QTGAL: variants seen among roughly 807,000 people sequenced by gnomAD.
QTGAL encodes BGnT-like protein 1.
chr17:83,048,373 A>T, the QTGAL span: 1 of 1,095,244 alleles, frequency 9.1e-7, no homozygotes, highest in African/African-American at 1.6e-5. Context: ...CCACCAGGAT[A>T]CTTTTTGTCA....
chr17:82,953,241 C>T, the QTGAL span, among the ~76,000 whole-genome samples: 1 of 151,978 alleles, frequency 6.6e-6, no homozygotes, highest in African/African-American at 2.4e-5. Context: ...AAATCAATGA[C>T]TGGTTTTTTG....
the QTGAL span, among the ~76,000 whole-genome samples, chr17:83,018,038 C>T: frequency 4.2e-5 from 6 of 142,620 alleles, no homozygotes; most frequent in South Asian, 7.0e-4. Context: ...ACACGTGCTC[C>T]GTGAACACCG....
the QTGAL span, among the ~76,000 whole-genome samples, chr17:83,044,750 C>G: frequency 6.6e-6 from 1 of 152,146 alleles, no homozygotes; most frequent in East Asian, 1.9e-4. Context: ...TTGAGACCAG[C>G]CTGGCCAACA....
At chr17:83,013,144 A>G in the QTGAL span, among the ~76,000 whole-genome samples, 1 of 152,148 alleles carries the variant, frequency 6.6e-6, no homozygotes, top group Non-Finnish European at 1.5e-5. Flanking sequence ...TACAAGCCAC[A>G]GAGCTCTCTC....
the QTGAL span, among the ~76,000 whole-genome samples, chr17:82,970,996 C>T: frequency 2.6e-5 from 4 of 152,200 alleles, no homozygotes; most frequent in East Asian, 1.9e-4. Flanking sequence ...CAGCCGGGTC[C>T]GTTCCACAGG....
the QTGAL span, among the ~76,000 whole-genome samples, chr17:82,961,518 C>T: frequency 5.3e-5 from 8 of 152,182 alleles, no homozygotes; most frequent in Non-Finnish European, 7.4e-5. Flanking sequence ...CTCACAGCCA[C>T]GGCTCCTGGA....
At chr17:83,031,636 G>C in the QTGAL span, among the ~76,000 whole-genome samples, 3 of 152,216 alleles carry the variant, frequency 2.0e-5, no homozygotes, top group Non-Finnish European at 4.4e-5. Context: ...TAATAGGCTC[G>C]AGGACAAGCC....
the QTGAL span, among the ~76,000 whole-genome samples, chr17:83,000,797 C>A: frequency 6.6e-6 from 1 of 152,218 alleles, no homozygotes; most frequent in Non-Finnish European, 1.5e-5. Context: ...AGGGTCACCA[C>A]TGCTGTGAGC....
the QTGAL span, among the ~76,000 whole-genome samples, chr17:83,011,845 C>T: frequency 6.6e-6 from 1 of 152,230 alleles, no homozygotes; most frequent in South Asian, 2.1e-4. Flanking sequence ...TGTGCATTTT[C>T]CCCACATTCC....
chr17:82,957,162 AC>A, the QTGAL span: 2 of 1,614,102 alleles, frequency 1.2e-6, no homozygotes, highest in Non-Finnish European at 1.7e-6. Context: ...CAAGGGTGAC[AC>A]CATGCGGCCC....
chr17:83,046,956 G>A, the QTGAL span, among the ~76,000 whole-genome samples: 2 of 152,214 alleles, frequency 1.3e-5, no homozygotes, highest in Non-Finnish European at 2.9e-5. Context: ...GCTAAATGAA[G>A]CCGGTTACAA....
the QTGAL span, among the ~76,000 whole-genome samples, chr17:83,004,554 C>G: frequency 1.3e-5 from 1 of 75,856 alleles, no homozygotes; most frequent in Admixed American, 1.3e-4. Context: ...CTCTGCAGTC[C>G]GCGTGTGGGA....
chr17:82,977,427 G>A, the QTGAL span, among the ~76,000 whole-genome samples: 1 of 152,172 alleles, frequency 6.6e-6, no homozygotes, highest in African/African-American at 2.4e-5. Flanking sequence ...TCAGTGTTGG[G>A]AGGGGGGTGA....
At chr17:82,999,947 T>G in the QTGAL span, among the ~76,000 whole-genome samples, 4 of 152,200 alleles carry the variant, frequency 2.6e-5, no homozygotes, top group Non-Finnish European at 4.4e-5. Flanking sequence ...ACTGGTTTTT[T>G]TTGTTGTTGT....
the QTGAL span, chr17:83,007,169 G>T: frequency 1.0e-6 from 1 of 957,420 alleles, no homozygotes; most frequent in Non-Finnish European, 1.2e-6. Context: ...CCATGGCTGT[G>T]TAATTCTTTT....
At chr17:83,046,975 G>A in the QTGAL span, among the ~76,000 whole-genome samples, 4 of 152,366 alleles carry the variant, frequency 2.6e-5, no homozygotes, top group East Asian at 1.9e-4. Context: ...AAAAGAGCAC[G>A]TGGAACCTGA....
the QTGAL span, among the ~76,000 whole-genome samples, chr17:82,990,446 C>T: frequency 7.2e-5 from 11 of 152,356 alleles, no homozygotes; most frequent in Admixed American, 4.6e-4. Context: ...CATTTTTAAA[C>T]GGAAGTTTCT....
At chr17:83,033,600 T>C in the QTGAL span, among the ~76,000 whole-genome samples, 7,304 of 150,900 alleles carry the variant, frequency 0.048, 600 homozygotes, top group African/African-American at 0.17. Flanking sequence ...GCCTCCCGAG[T>C]AGCTGGGACT....
the QTGAL span, chr17:82,965,581 GCAGAGC>G: frequency 2.8e-6 from 4 of 1,426,548 alleles, no homozygotes; most frequent in African/African-American, 5.7e-5. Context: ...TGGCCAGTGT[GCAGAGC>G]CCACACACAG....
Sources: gnomAD v4.1 joint callset for allele counts (sites outside exome capture counted in the v4.1 genomes callset) on GRCh38, gnomAD v4.1.1 for gene constraint, MANE v1.5 for transcripts, NCBI Gene and HGNC (gene_info 2026-07-23, HGNC 2026-07-21) for gene names.